The following CEP152 variants were observed in gnomAD, a reference collection of about 807,000 sequenced individuals.
CEP152 encodes centrosomal protein of 152 kDa.
Under a neutral mutation model 188.9 loss-of-function variants are expected in CEP152, and 132 were observed. The ratio of observed to expected loss-of-function variants is 0.70; its 90% CI spans 0.61 to 0.81. CEP152 has a LOEUF of 0.81. Among genes scored for constraint, CEP152 ranks in the 30% least tolerant of loss-of-function variants. The pLI, the probability that CEP152 is intolerant of heterozygous loss-of-function variation, is 0.00. For missense variants in CEP152, 1,914 were observed against 1,969.8 expected (o/e 0.97, Z 0.54); for synonymous variants, 649 against 666.6 (o/e 0.97, Z 0.41).
intron 12 of CEP152, among the ~76,000 whole-genome samples, chr15:48,776,800 G>A (rs1380964829): frequency 6.6e-6 from 1 of 151,986 alleles, no homozygotes; most frequent in African/African-American, 2.4e-5. Flanking sequence ...TATAAAAGTG[G>A]TTTTCTTCAT....
At chr15:48,743,644 C>T (rs1311309737) in intron 24 of CEP152, among the ~76,000 whole-genome samples, 1 of 152,114 alleles carries the variant, frequency 6.6e-6, no homozygotes, top group African/African-American at 2.4e-5. Context: ...GGGTGGATCA[C>T]CTGAGGTCAG....
chr15:48,771,568 G>A (rs1895534499), intron 13 of CEP152, among the ~76,000 whole-genome samples: 1 of 152,132 alleles, frequency 6.6e-6, no homozygotes, highest in Non-Finnish European at 1.5e-5. Flanking sequence ...CAGATTCCTT[G>A]TTACAGAGAA....
rs773374236 is a variant in CEP152, at chr15:48,769,069, T to C, written c.1795A>G (p.Thr599Ala). ...AATTGATTCTTTGGTTTTTCTGAGGTATCTGTTTTAGTCTGAATATTAAAA... is the reference window on the plus strand; with the variant it reads ...AATTGATTCTTTGGTTTTTCTGAGGCATCTGTTTTAGTCTGAATATTAAAA... The part of the protein sequence containing the change: ...KSIEVETKTD[T>A]SEKPKNQLWP... The change falls in exon 14 of 27, where the codon ACC becomes GCC. Residue 599 changes from threonine to alanine, a missense_variant. Thr to Ala is a moderately conservative substitution (Grantham distance 58). Transcript: ENST00000380950. The C allele has an allele frequency of 5.0e-6, 8 of 1,606,980 alleles. No homozygotes were observed. In the African/African-American group the frequency reaches 9.4e-5, roughly 19 times the overall value.
chr15:48,762,388 TACCTG>T lies in CEP152; in HGVS notation c.2560_2562+2del. ...AATTTACTAGAATAAATCTGCCTTT[TACCTG>T]TTTGGTAATATTTTCACAATGTTTG... is the stretch of plus-strand genomic sequence containing the variant. On this transcript the variant is annotated splice_donor_variant and coding_sequence_variant, in exon 18 of 27. Coordinates refer to ENST00000380950, the MANE Select transcript of CEP152 (RefSeq NM_001194998.2). LOFTEE classifies it high-confidence loss of function. 1.2e-6 allele frequency: 2 copies of T among 1,613,742 alleles called. No homozygotes were observed. Among genetic ancestry groups the T allele is most frequent in the Non-Finnish European group, 1.7e-6 (2 of 1,179,648 alleles).
At chr15:48,758,855 A>G (rs1383154662) in intron 19 of CEP152, among the ~76,000 whole-genome samples, 2 of 152,134 alleles carry the variant, frequency 1.3e-5, no homozygotes, top group Non-Finnish European at 2.9e-5. Context: ...AAGTTTGAGA[A>G]GCAACAAAAA....
intron 2 of CEP152, among the ~76,000 whole-genome samples, chr15:48,804,542 TA>T (rs1368214012): frequency 6.6e-6 from 1 of 152,172 alleles, no homozygotes; most frequent in Non-Finnish European, 1.5e-5. Flanking sequence ...TGACTTACAC[TA>T]AAAACAACCA....
At chr15:48,797,807 T>G (rs886579781) in intron 3 of CEP152, 77 bp from the exon 4 acceptor site, 3 of 1,568,020 alleles carry the variant, frequency 1.9e-6, no homozygotes, top group African/African-American at 2.7e-5. Context: ...CCCCAAGATT[T>G]TAACCTTTTT....
At chr15:48,797,883 C>T (rs1001377732) in intron 3 of CEP152, 65 bp downstream of exon 3, 2 of 1,497,722 alleles carry the variant, frequency 1.3e-6, no homozygotes, top group African/African-American at 1.4e-5. Flanking sequence ...AATTATTAAT[C>T]TTCATCAAAA....
At position 48,796,285 on chromosome 15, in the gene CEP152, TATATAC is replaced by T. The variant is rs1199235898; in HGVS notation, c.541-131_541-126del. The T allele has an allele frequency of 1.9e-4, 135 of 717,116 alleles. No individual in the cohort carries two copies. The Admixed American group carries it at 2.0e-3, about 11-fold the overall frequency. 44.4% of individuals were successfully genotyped at this position (717,116 alleles called of 1,614,324 possible). ...TTGGTACAGTTCAAAGTTGTTTATA[TATATAC>T]ACACACACACACACACACACACACA... On this transcript the variant is annotated intron_variant, in intron 5 of 26. Transcript: ENST00000380950.
intron 9 of CEP152, among the ~76,000 whole-genome samples, chr15:48,784,631 G>A (rs1896503502): frequency 6.6e-6 from 1 of 152,084 alleles, no homozygotes. Flanking sequence ...TCCCTCCTCT[G>A]AAATTCTTTT....
At chr15:48,786,004 G>A (rs919104392) in intron 9 of CEP152, among the ~76,000 whole-genome samples, 26 of 151,878 alleles carry the variant, frequency 1.7e-4, no homozygotes, top group African/African-American at 9.7e-5. Flanking sequence ...TAGCACACAG[G>A]AAAATGAGGA....
At chr15:48,739,815 G>A (rs992062879) in intron 26 of CEP152, among the ~76,000 whole-genome samples, 1 of 152,194 alleles carries the variant, frequency 6.6e-6, no homozygotes, top group African/African-American at 2.4e-5. Flanking sequence ...TCTCAGAGTA[G>A]CAAGCCCTAG....
Position 48,791,260 on chromosome 15 carries a change from C to T in CEP152, c.949G>A (p.Ala317Thr), listed in dbSNP as rs764227541. 5.6e-6 allele frequency: 9 copies of T among 1,612,416 alleles called. No homozygotes were observed. The highest frequency in any genetic ancestry group is 7.6e-6 in the Non-Finnish European group (9 of 1,179,654). Reference protein sequence around the residue: ...QIKALETQIQALKVNEEQMIK... With the variant: ...QIKALETQIQTLKVNEEQMIK... ...ACCTGTTCTTCATTGACTTTTAATG[C>T]TTGTATCTGAGTCTCCAGTGCTTTT... Residue 317 changes from alanine (A) to threonine (T), a missense_variant, in exon 8 of 27, where the codon GCA (alanine) becomes ACA (threonine). By Grantham distance (58) the Ala-to-Thr change is moderately conservative (BLOSUM62 0). Transcript: ENST00000380950.
downstream of CEP152, among the ~76,000 whole-genome samples, chr15:48,734,396 T>TA (rs571173931): frequency 4.8e-3 from 645 of 135,096 alleles, 2 homozygotes; most frequent in African/African-American, 0.015. Context: ...GAAAAATAGC[T>TA]AAAAAAAAAA....
At chr15:48,745,726 A>G (rs924749291) in intron 22 of CEP152, among the ~76,000 whole-genome samples, 6 of 152,176 alleles carry the variant, frequency 3.9e-5, no homozygotes, top group Non-Finnish European at 7.3e-5. Context: ...GAGGAAACTG[A>G]TAAGAGTCCA....
chr15:48,743,779 C>T (rs958330834), intron 24 of CEP152, among the ~76,000 whole-genome samples: 10 of 152,018 alleles, frequency 6.6e-5, no homozygotes, highest in Admixed American at 3.3e-4. Context: ...TGGAGAATTG[C>T]TTGAATCCAG....
chr15:48,767,057 T>A lies in CEP152; in HGVS notation c.2280+3A>T, dbSNP rs1343020022. On this transcript the variant is annotated splice_donor_region_variant and intron_variant, in intron 17 of 26. Transcript: ENST00000380950. Reference sequence around the variant, plus strand: ...GTCGATACAACATAAACTTGTACTGTACCTTCTCCTGAGTCTGTTGCTCCT... The same window carrying A: ...GTCGATACAACATAAACTTGTACTGAACCTTCTCCTGAGTCTGTTGCTCCT... 1 of 1,612,508 alleles carries A rather than the reference T, an allele frequency of 6.2e-7. No individual in the cohort carries two copies. Among genetic ancestry groups the A allele is most frequent in the Non-Finnish European group, 8.5e-7 (1 of 1,180,002 alleles).
chr15:48,738,535 T>C lies in CEP152; in HGVS notation c.4847A>G (p.Tyr1616Cys). Reference sequence around the variant, plus strand: ...ATTACTTTCCTCTGTATCTGAAAGATAACCGGATGGTGAAAACTGTTTGGA... The same window carrying C: ...ATTACTTTCCTCTGTATCTGAAAGACAACCGGATGGTGAAAACTGTTTGGA... ...VKSKQFSPSG[Y>C]LSDTEESNMI... Residue 1616 changes from tyrosine (Y) to cysteine (C), a missense_variant, in exon 27 of 27, where the codon TAT becomes TGT. Tyr to Cys is a radical substitution (Grantham distance 194). Coordinates refer to ENST00000380950, the MANE Select transcript of CEP152 (RefSeq NM_001194998.2). 2 of 1,614,246 alleles carry C rather than the reference T, an allele frequency of 1.2e-6. No individual in the cohort carries two copies. Among genetic ancestry groups the C allele is most frequent in the Non-Finnish European group, 1.7e-6 (2 of 1,180,040 alleles).
chr15:48,737,639 A>G (rs1280453672), downstream of CEP152, among the ~76,000 whole-genome samples: 1 of 152,230 alleles, frequency 6.6e-6, no homozygotes, highest in Admixed American at 6.5e-5. Context: ...AATGCAAGTA[A>G]GAACTAAAAA....
Sources: allele counts gnomAD v4.1 joint callset (sites outside exome capture counted in the v4.1 genomes callset), GRCh38; gene constraint gnomAD v4.1.1; transcripts MANE v1.5; gene names NCBI Gene and HGNC (gene_info 2026-07-23, HGNC 2026-07-21).